Variants in ADAMTS13 observed in about 807,000 individuals in gnomAD.
ADAMTS13 encodes the protein ADAM metallopeptidase with thrombospondin type 1 motif 13.
A neutral mutation model predicts 155.1 loss-of-function variants in ADAMTS13; 110 were observed. The observed-to-expected ratio is 0.71, with a 90% CI of 0.61 to 0.83. The LOEUF (loss-of-function observed/expected upper bound fraction) is 0.83, where lower values mean the gene tolerates loss of function less well. Ranked by LOEUF, ADAMTS13 falls within the 40% of genes least tolerant of loss-of-function variation. The pLI is 0.00. For missense variants in ADAMTS13, 1,707 were observed against 1,891.7 expected (o/e 0.90, Z 1.81); for synonymous variants, 758 against 756.4 (o/e 1.00, Z -0.03).
intron 8 of ADAMTS13, 140 bp from the exon 9 acceptor site, chr9:133,432,448 T>C: frequency 1.3e-6 from 1 of 753,910 alleles, no homozygotes; most frequent in Non-Finnish European, 2.3e-6. Context: ...CCTTGTCCTC[T>C]GAGGGCACCA....
At position 133,455,714 on chromosome 9, in the gene ADAMTS13, G is replaced by A; in HGVS notation, c.3400+279G>A. On this transcript the variant is annotated intron_variant, in intron 25 of 28. Transcript: ENST00000355699. ...CACTTGGTCCCTGGGTTGTGTGCCT[G>A]GGAGGCCGGGATCAGGGCTGGCCCT... 7 of 1,403,800 alleles carry A rather than the reference G, an allele frequency of 5.0e-6. No individual in the cohort carries two copies. In the South Asian group the frequency reaches 8.1e-5, roughly 16 times the overall value. 87.0% of individuals were successfully genotyped at this position (1,403,800 alleles called of 1,614,324 possible). A position where few individuals can be genotyped will look rare whatever the true frequency, so the allele number is the denominator to read the frequency against.
intron 23 of ADAMTS13, among the ~76,000 whole-genome samples, chr9:133,453,007 G>A (rs1588203903): frequency 6.6e-6 from 1 of 152,122 alleles, no homozygotes; most frequent in African/African-American, 2.4e-5. Context: ...CTCCCTGAGC[G>A]TCGGTCCAGA....
At position 133,440,445 on chromosome 9, in the gene ADAMTS13, G is replaced by A; in HGVS notation, c.1888G>A (p.Val630Met). 1 of 1,613,796 alleles carries A rather than the reference G, an allele frequency of 6.2e-7. No homozygotes were observed. The highest frequency in any genetic ancestry group is 1.1e-5 in the South Asian group (1 of 91,082). ...GGAGGATGGTCGTGTCGAGTACAGAGTGGCCCTCACCGAGGACCGGCTGCC... is the reference window on the plus strand; with the variant it reads ...GGAGGATGGTCGTGTCGAGTACAGAATGGCCCTCACCGAGGACCGGCTGCC... The part of the protein sequence containing the change: ...LLEDGRVEYR[V>M]ALTEDRLPRL... Residue 630 changes from valine (V) to methionine (M), a missense_variant, in exon 16 of 29, where the codon GTG becomes ATG. Val to Met is a conservative substitution (Grantham distance 21, BLOSUM62 1). Transcript: ENST00000355699. The surrounding 1 kb of genome is among the most constrained non-coding windows in gnomAD (Gnocchi z 4.3).
rs782574994 is a variant in ADAMTS13, at chr9:133,433,719, T to TG, written c.1308+19dup. On this transcript the variant is annotated intron_variant, in intron 11 of 28. Coordinates refer to ENST00000355699, the MANE Select transcript of ADAMTS13 (RefSeq NM_139027.6). ...GCAACACTCAGGTAGGCCTGCTTCC[T>TG]GGGGTAGGAGGGGGCAGCTGGTGGC... 3.7e-6 allele frequency: 6 copies of TG among 1,612,088 alleles called. No homozygotes were observed. In the African/African-American group the frequency reaches 6.7e-5, roughly 18 times the overall value.
At chr9:133,442,357 CAG>C in intron 16 of ADAMTS13, 40 bp from the exon 17 acceptor site, 1 of 1,613,678 alleles carries the variant, frequency 6.2e-7, no homozygotes, top group Non-Finnish European at 8.5e-7. Flanking sequence ...CAGTGACCCT[CAG>C]GGAACCCACT....
At chr9:133,429,704 G>T (rs782620988) in intron 7 of ADAMTS13, 1 of 697,572 alleles carries the variant, frequency 1.4e-6, no homozygotes, top group South Asian at 1.5e-5. Context: ...ACTCAGACCC[G>T]TCCCTCCGTC....
In ADAMTS13 at chr9:133,430,072, G is replaced by C; in HGVS notation, c.958G>C (p.Val320Leu). The change falls in exon 8 of 29, where the codon GTC becomes CTC. Residue 320 changes from valine to leucine, a missense_variant. Val to Leu is a conservative substitution (Grantham distance 32, BLOSUM62 1). Transcript: ENST00000355699. ...CCGCGTGGCCTTCGGCCCCAAGGCT[G>C]TCGCCTGCACCTTCGCCAGGGAGCA... is the stretch of plus-strand genomic sequence containing the variant. ...QCRVAFGPKA[V>L]ACTFAREHLD... 1 of 1,594,526 alleles carries C rather than the reference G, an allele frequency of 6.3e-7. No individual in the cohort carries two copies. The highest frequency in any genetic ancestry group is 8.5e-7 in the Non-Finnish European group (1 of 1,176,186).
upstream of ADAMTS13, among the ~76,000 whole-genome samples, chr9:133,420,767 C>T (rs371468069): frequency 1.3e-5 from 2 of 152,270 alleles, no homozygotes; most frequent in African/African-American, 4.8e-5. Flanking sequence ...AACTTGGGAT[C>T]CATCAAGAAG....
rs771996980 is a variant in ADAMTS13, at chr9:133,431,219, C to T, written c.987+1118C>T. Among the ~76,000 whole-genome samples, 99 of 152,226 alleles carry T rather than the reference C, an allele frequency of 6.5e-4. 1 individual carries two copies. Among genetic ancestry groups the T allele is most frequent in the African/African-American group, 8.4e-4 (35 of 41,546 alleles). On this transcript the variant is annotated intron_variant, in intron 8 of 28. Coordinates refer to ENST00000355699, the MANE Select transcript of ADAMTS13 (RefSeq NM_139027.6). ...GCTTCAAGCCATCCTCCCACCTTGG[C>T]GTCCCAAAGCACTGGGATTACAGAC... is the stretch of plus-strand genomic sequence containing the variant.
intron 12 of ADAMTS13, among the ~76,000 whole-genome samples, chr9:133,437,509 C>T (rs587731348): frequency 4.2e-4 from 64 of 152,306 alleles, no homozygotes; most frequent in African/African-American, 1.4e-3. Flanking sequence ...CCGCCTGCCT[C>T]GGCTTCCCAA....
chr9:133,441,542 T>G lies in ADAMTS13; in HGVS notation c.1969-857T>G, dbSNP rs1588180402. Among the ~76,000 whole-genome samples the G allele has an allele frequency of 6.6e-6, 1 of 152,322 alleles. No homozygotes were observed. Among genetic ancestry groups the G allele is most frequent in the Admixed American group, 6.5e-5 (1 of 15,302 alleles). ...ACAGGCTTGCGGCACTGGCCAGATG[T>G]GGGCATCGAGGGGGCAGGTGCGGAA... On this transcript the variant is annotated intron_variant, in intron 16 of 28. Coordinates refer to ENST00000355699, the MANE Select transcript of ADAMTS13 (RefSeq NM_139027.6). The surrounding 1 kb of genome is among the most constrained non-coding windows in gnomAD (Gnocchi z 5.0).
At chr9:133,433,250 G>A (rs916534988) in intron 9 of ADAMTS13, 128 bp from the exon 10 acceptor site, 2 of 1,285,792 alleles carry the variant, frequency 1.6e-6, no homozygotes, top group Non-Finnish European at 1.1e-6. Context: ...GTGTTTGGGG[G>A]TCGCTGTGGG....
chr9:133,459,014 G>A lies in ADAMTS13; in HGVS notation c.3950G>A (p.Gly1317Glu), dbSNP rs1554797099. 3 of 1,613,126 alleles carry A rather than the reference G, an allele frequency of 1.9e-6. No homozygotes were observed. The African/African-American group carries it at 4.0e-5, about 22-fold the overall frequency. Residue 1317 changes from glycine to glutamate, a missense_variant, in exon 29 of 29, where the codon GGG becomes GAG. By Grantham distance (98) the Gly-to-Glu change is moderately conservative. Transcript: ENST00000355699. ...THSLRTTAFH[G>E]QQVLYWESES... ...AGCTTGAGGACCACAGCGTTCCATG[G>A]GCAGCAGGTGCTCTACTGGGAGTCA...
In ADAMTS13 at chr9:133,454,509, G is replaced by T; in HGVS notation, c.3139G>T (p.Asp1047Tyr). The change falls in exon 24 of 29, where the codon GAC (aspartate) becomes TAC (tyrosine). Residue 1047 changes from aspartate (D) to tyrosine (Y), a missense_variant. Asp to Tyr is a radical substitution (Grantham distance 160). Around this residue, in one of 3 missense-constraint regions of ADAMTS13, gnomAD observed 961 missense variants for 1,107.9 expected, o/e 0.87. Coordinates refer to ENST00000355699, the MANE Select transcript of ADAMTS13 (RefSeq NM_139027.6). ...CTGTGTGCAGCTCGACCAAGGCCAG[G>T]ACGTGGAGGTGGACGAGGCGGCCTG... ...VACVQLDQGQ[D>Y]VEVDEAACAA... is the part of the protein sequence containing the mutation. 6.2e-7 allele frequency: 1 copy of T among 1,612,332 alleles called. No individual in the cohort carries two copies. The highest frequency in any genetic ancestry group is 1.1e-5 in the South Asian group (1 of 91,084).
Position 133,438,066 on chromosome 9 carries a change from G to A in ADAMTS13, c.1584+169G>A, listed in dbSNP as rs36220588. On this transcript the variant is annotated intron_variant, in intron 13 of 28. Coordinates refer to ENST00000355699, the MANE Select transcript of ADAMTS13 (RefSeq NM_139027.6). Reference sequence around the variant, plus strand: ...TTGGAGTCAGCCTGGGTTAAGGGCTGCAGTGTGACCTTGGGCAAGTCACTG... The same window carrying A: ...TTGGAGTCAGCCTGGGTTAAGGGCTACAGTGTGACCTTGGGCAAGTCACTG... Among the ~76,000 whole-genome samples the A allele has an allele frequency of 7.9e-4, 120 of 152,306 alleles. 1 individual carries two copies. The highest frequency in any genetic ancestry group is 2.7e-3 in the African/African-American group (111 of 41,566).
intron 12 of ADAMTS13, 83 bp downstream of exon 12, chr9:133,437,038 T>C: frequency 6.7e-7 from 1 of 1,495,458 alleles, no homozygotes; most frequent in Non-Finnish European, 9.0e-7. Flanking sequence ...GGGGTTGGCC[T>C]ACTATCCCTC....
rs587683055 is a variant in ADAMTS13 at position 133,416,804 on chromosome 9, G to A, written n.287+2160G>A. Among the ~76,000 whole-genome samples the A allele has an allele frequency of 3.3e-5, 5 of 152,186 alleles. No homozygotes were observed. The South Asian group carries it at 1.0e-3, about 31-fold the overall frequency. ...TCCTCATCTGTACAATAGCGATGAT[G>A]GAAGTGTCCACCTCACAGTCTTATT... On this transcript the variant is annotated intron_variant and non_coding_transcript_variant, in intron 1 of 17. Transcript: ENST00000485925.
chr9:133,419,535 C>T (rs1554782545), upstream of ADAMTS13, among the ~76,000 whole-genome samples: 1 of 152,100 alleles, frequency 6.6e-6, no homozygotes, highest in African/African-American at 2.4e-5. Context: ...GTGCTGGGGG[C>T]TCTCCAGGGG....
intron 27 of ADAMTS13, among the ~76,000 whole-genome samples, chr9:133,457,395 C>A (rs930532363): frequency 6.6e-6 from 1 of 152,160 alleles, no homozygotes; most frequent in African/African-American, 2.4e-5. Context: ...GGCAGAGAGC[C>A]GTGTATGTGT....
Sources: allele counts gnomAD v4.1 joint callset (sites outside exome capture counted in the v4.1 genomes callset), GRCh38; gene constraint gnomAD v4.1.1; regional missense constraint gnomAD v4.1.1; non-coding constraint Gnocchi (gnomAD v3.1); transcripts MANE v1.5; gene names NCBI Gene and HGNC (gene_info 2026-07-23, HGNC 2026-07-21).